SLC5A4: variants seen among roughly 807,000 people sequenced by gnomAD.
SLC5A4 encodes the protein probable glucose sensor protein SLC5A4.
In SLC5A4, 55 loss-of-function variants were observed where a neutral mutation model predicts 70.3. That is an observed-to-expected ratio of 0.78 (90% CI 0.63 to 0.98). The LOEUF is 0.98. Ranked by LOEUF, SLC5A4 falls within the 50% of genes least tolerant of loss-of-function variation. The pLI, the probability that SLC5A4 is intolerant of heterozygous loss-of-function variation, is 0.00. For synonymous variants in SLC5A4, 268 were observed against 305.7 expected (o/e 0.88, Z 1.29); for missense variants, 735 against 839.2 (o/e 0.88, Z 1.53).
At chr22:32,308,339 C>T in the SLC5A4 span, among the ~76,000 whole-genome samples, 4 of 152,206 alleles carry the variant, frequency 2.6e-5, no homozygotes, top group South Asian at 2.1e-4. Flanking sequence ...CTGATAGACA[C>T]GGTGATTGCG....
At chr22:32,303,952 C>A in the SLC5A4 span, among the ~76,000 whole-genome samples, 1 of 152,194 alleles carries the variant, frequency 6.6e-6, no homozygotes, top group Non-Finnish European at 1.5e-5. Flanking sequence ...CACATTCTCA[C>A]CAGCATTTGG....
chr22:32,312,964 A>G, the SLC5A4 span, among the ~76,000 whole-genome samples: 2 of 152,308 alleles, frequency 1.3e-5, no homozygotes, highest in East Asian at 1.9e-4. Flanking sequence ...GTTGTGAACC[A>G]TGTGACTTTA....
At chr22:32,268,824 T>C in the SLC5A4 span, among the ~76,000 whole-genome samples, 1,001 of 152,332 alleles carry the variant, frequency 6.6e-3, 15 homozygotes, top group African/African-American at 0.023. Context: ...AGCCCTTAAA[T>C]GTGGTTAGTG....
chr22:32,224,225 C>T, intron 13 of SLC5A4, 42 bp downstream of exon 13: 1 of 1,505,996 alleles, frequency 6.6e-7, no homozygotes, highest in Non-Finnish European at 9.2e-7. Context: ...CGGCCAAGAA[C>T]TCTTATTTAA....
the SLC5A4 span, among the ~76,000 whole-genome samples, chr22:32,311,304 A>AC: frequency 2.0e-5 from 3 of 152,134 alleles, no homozygotes; most frequent in African/African-American, 7.3e-5. Context: ...CAGTGTGAGA[A>AC]CACTAGGTCT....
chr22:32,221,123 C>A, intron 13 of SLC5A4, 101 bp from the exon 14 acceptor site: 1 of 766,200 alleles, frequency 1.3e-6, no homozygotes, highest in Non-Finnish European at 2.2e-6. Flanking sequence ...TTTAAAAAAT[C>A]AAACCATACA....
chr22:32,313,821 AG>A, the SLC5A4 span, among the ~76,000 whole-genome samples: 65,734 of 151,914 alleles, frequency 0.43, 14,521 homozygotes, highest in East Asian at 0.66. Context: ...ACATAAATCC[AG>A]GGGAAGATGA....
At chr22:32,328,705 CCTTT>C in the SLC5A4 span, among the ~76,000 whole-genome samples, 4 of 152,360 alleles carry the variant, frequency 2.6e-5, no homozygotes, top group East Asian at 1.9e-4. Flanking sequence ...CTGACTTACA[CCTTT>C]CTGACTCACA....
At chr22:32,351,672 C>T in the SLC5A4 span, among the ~76,000 whole-genome samples, 126 of 131,266 alleles carry the variant, frequency 9.6e-4, no homozygotes, top group African/African-American at 3.8e-3. Context: ...TGCACTCCAG[C>T]CTGGGCAACA....
the SLC5A4 span, among the ~76,000 whole-genome samples, chr22:32,299,006 G>A: frequency 7.2e-6 from 1 of 139,084 alleles, no homozygotes; most frequent in East Asian, 2.1e-4. Context: ...GGCTTGTAGG[G>A]TTTCTGCCGA....
chr22:32,323,758 G>A, the SLC5A4 span, among the ~76,000 whole-genome samples: 2 of 152,202 alleles, frequency 1.3e-5, no homozygotes, highest in Admixed American at 6.5e-5. Context: ...AAGCTGCTCA[G>A]TTCCCTGGAA....
the SLC5A4 span, chr22:32,271,350 C>T: frequency 1.4e-6 from 1 of 738,494 alleles, no homozygotes; most frequent in Non-Finnish European, 2.4e-6. Flanking sequence ...CAAGGAGGTG[C>T]TGCTGGTTGT....
chr22:32,251,163 A>C (rs1429603316), intron 3 of SLC5A4, among the ~76,000 whole-genome samples: 5 of 150,186 alleles, frequency 3.3e-5, no homozygotes, highest in Admixed American at 6.6e-5. Flanking sequence ...AAAAAAAAAA[A>C]AAAAAAAAAA....
At chr22:32,332,068 A>C in the SLC5A4 span, among the ~76,000 whole-genome samples, 8 of 132,338 alleles carry the variant, frequency 6.0e-5, no homozygotes, top group South Asian at 2.5e-4. Context: ...CATGGACTCC[A>C]CTCCCTGGTG....
the SLC5A4 span, among the ~76,000 whole-genome samples, chr22:32,288,738 G>A: frequency 1.3e-5 from 2 of 152,028 alleles, no homozygotes; most frequent in South Asian, 2.1e-4. Context: ...TAGAGACAGG[G>A]TTTCTCCTTG....
At chr22:32,313,872 A>T in the SLC5A4 span, among the ~76,000 whole-genome samples, 2 of 152,152 alleles carry the variant, frequency 1.3e-5, no homozygotes, top group East Asian at 3.9e-4. Flanking sequence ...GCTCACTAAC[A>T]CAGGTGGAGT....
chr22:32,318,045 T>C, the SLC5A4 span, among the ~76,000 whole-genome samples: 9 of 152,050 alleles, frequency 5.9e-5, no homozygotes, highest in African/African-American at 1.7e-4. Flanking sequence ...CACAGCAGCA[T>C]TGACTCAAGT....
chr22:32,292,139 ATT>A, the SLC5A4 span, among the ~76,000 whole-genome samples: 1 of 60,756 alleles, frequency 1.6e-5, no homozygotes, highest in South Asian at 5.9e-4. Context: ...GATATTATAT[ATT>A]ATATTCTATA....
chr22:32,328,803 G>A, the SLC5A4 span, among the ~76,000 whole-genome samples: 1 of 152,202 alleles, frequency 6.6e-6, no homozygotes, highest in South Asian at 2.1e-4. Flanking sequence ...AAGGCCTCAG[G>A]GCAGTGCTAG....
Sources: gnomAD v4.1 joint callset for allele counts (sites outside exome capture counted in the v4.1 genomes callset) on GRCh38, gnomAD v4.1.1 for gene constraint, MANE v1.5 for transcripts, NCBI Gene and HGNC (gene_info 2026-07-23, HGNC 2026-07-21) for gene names.